Variants in SPTBN1 observed in about 807,000 individuals in gnomAD.
SPTBN1 encodes the protein spectrin beta chain, non-erythrocytic 1.
SPTBN1 carries 32 observed loss-of-function variants against 266.4 expected under a neutral mutation model. The ratio of observed to expected loss-of-function variants is 0.12; its 90% CI spans 0.09 to 0.16. SPTBN1 has a LOEUF of 0.16. Ranked by LOEUF, SPTBN1 falls within the 10% of genes least tolerant of loss-of-function variation. The pLI, the probability that SPTBN1 is intolerant of heterozygous loss-of-function variation, is 1.00. For synonymous variants in SPTBN1, 1,336 were observed against 1,162.2 expected (o/e 1.15, Z -3.04); for missense variants, 2,296 against 3,067.1 (o/e 0.75, Z 5.94).
chr2:54,580,705 T>C (rs1674834545), intron 2 of SPTBN1, among the ~76,000 whole-genome samples: 1 of 152,186 alleles, frequency 6.6e-6, no homozygotes, highest in South Asian at 2.1e-4. Flanking sequence ...TTAGGGTTTC[T>C]ACTGTATACT....
chr2:54,567,124 A>G (rs1260448993), intron 2 of SPTBN1, among the ~76,000 whole-genome samples: 1 of 152,214 alleles, frequency 6.6e-6, no homozygotes, highest in Non-Finnish European at 1.5e-5. Flanking sequence ...CAACTGATTA[A>G]TAGAAGCAAG....
At position 54,494,466 on chromosome 2, in the gene SPTBN1, A is replaced by G. The variant is rs182190406; in HGVS notation, c.-47-31906A>G. Reference sequence around the variant, plus strand: ...AAATGTTTATAGCAGCTTTATTTGTAGTAACCCCAAACTGGAAACAACCTA... The same window carrying G: ...AAATGTTTATAGCAGCTTTATTTGTGGTAACCCCAAACTGGAAACAACCTA... On this transcript the variant is annotated intron_variant, in intron 1 of 35. Transcript: ENST00000356805. Among the ~76,000 whole-genome samples the G allele has an allele frequency of 2.6e-5, 4 of 152,352 alleles. No homozygotes were observed. In the East Asian group the frequency reaches 7.7e-4, roughly 29 times the overall value.
Position 54,645,832 on chromosome 2 carries a change from T to A in SPTBN1, c.4495-96T>A. The A allele has an allele frequency of 4.4e-6, 6 of 1,360,202 alleles. No individual in the cohort carries two copies. Among genetic ancestry groups the A allele is most frequent in the Non-Finnish European group, 6.2e-6 (6 of 964,558 alleles). 84.3% of individuals were successfully genotyped at this position (1,360,202 alleles called of 1,614,324 possible). ...GAGGGGGCTGAGCACTCTCTGAAGC[T>A]CACCCTTGCTGTCCCTCACTGCCCC... On this transcript the variant is annotated intron_variant, in intron 21 of 35. Coordinates refer to ENST00000356805, the MANE Select transcript of SPTBN1 (RefSeq NM_003128.3). This position sits in a 1 kb window ranked among gnomAD's most constrained non-coding sequence, Gnocchi z 4.3.
chr2:54,604,795 A>G (rs1676727882), intron 3 of SPTBN1, among the ~76,000 whole-genome samples: 2 of 152,208 alleles, frequency 1.3e-5, no homozygotes, highest in Admixed American at 6.5e-5. Context: ...AAAAAAACAC[A>G]GGAATCCACG....
chr2:54,628,347 A>G lies in SPTBN1; in HGVS notation c.1798+97A>G. 2 of 1,405,214 alleles carry G rather than the reference A, an allele frequency of 1.4e-6. No individual in the cohort carries two copies. Among genetic ancestry groups the G allele is most frequent in the South Asian group, 1.6e-5 (1 of 64,086 alleles). 87.0% of individuals were successfully genotyped at this position (1,405,214 alleles called of 1,614,324 possible). On this transcript the variant is annotated intron_variant, in intron 13 of 35. Transcript: ENST00000356805. The surrounding 1 kb of genome is among the most constrained non-coding windows in gnomAD (Gnocchi z 4.3). The stretch of plus-strand genomic sequence containing the variant: ...TTTTGAAGTTACTGTGCCACTATAC[A>G]TTCCTGGTGGGTTTGTCATGGGAGC...
rs1679793418 is a variant in SPTBN1 at position 54,644,481 on chromosome 2, C to A, written c.4164C>A (p.Ser1388Arg). Reference sequence around the variant, plus strand: ...ACAAGGCCGAACTTTTCACCCAGAGCTGTGCAGATCTAGACAAATGGCTGC... The same window carrying A: ...ACAAGGCCGAACTTTTCACCCAGAGATGTGCAGATCTAGACAAATGGCTGC... ...DANKAELFTQ[S>R]CADLDKWLHG... The change falls in exon 20 of 36, where the codon AGC (serine) becomes AGA (arginine). Residue 1388 changes from serine to arginine, a missense_variant. Physicochemically the swap from Ser to Arg is moderately radical, Grantham distance 110 (BLOSUM62 -1). Coordinates refer to ENST00000356805, the MANE Select transcript of SPTBN1 (RefSeq NM_003128.3). The A allele has an allele frequency of 6.2e-7, 1 of 1,614,150 alleles. No homozygotes were observed. The highest frequency in any genetic ancestry group is 1.7e-5 in the Admixed American group (1 of 60,014).
Position 54,517,005 on chromosome 2 carries a change from A to G in SPTBN1, c.-47-9367A>G, listed in dbSNP as rs114645320. Among the ~76,000 whole-genome samples, 925 of 152,332 alleles carry G rather than the reference A, an allele frequency of 6.1e-3. 13 individuals are homozygous for G. The highest frequency in any genetic ancestry group is 0.02 in the African/African-American group (850 of 41,574). On this transcript the variant is annotated intron_variant, in intron 1 of 35. Transcript: ENST00000356805. ...TAGAAAGGAATGTCTGGCTTATGGT[A>G]AGGGGTTGTGGAGACCTAGGTTTTA... is the stretch of plus-strand genomic sequence containing the variant.
chr2:54,538,562 A>G (rs1182959824), intron 2 of SPTBN1, among the ~76,000 whole-genome samples: 3 of 152,238 alleles, frequency 2.0e-5, no homozygotes, highest in Non-Finnish European at 4.4e-5. Flanking sequence ...CTGGTTGAGA[A>G]ATACATCTGT....
At chr2:54,494,488 C>G (rs879144590) in intron 1 of SPTBN1, among the ~76,000 whole-genome samples, 1 of 152,142 alleles carries the variant, frequency 6.6e-6, no homozygotes, top group Admixed American at 6.5e-5. Context: ...CTGGAAACAA[C>G]CTACATGTCC....
At chr2:54,568,499 A>T (rs1033235584) in intron 2 of SPTBN1, among the ~76,000 whole-genome samples, 2 of 152,180 alleles carry the variant, frequency 1.3e-5, no homozygotes, top group Non-Finnish European at 2.9e-5. Context: ...TTTTAACTAA[A>T]TATAAAAATA....
chr2:54,567,647 C>T (rs1032114353), intron 2 of SPTBN1, among the ~76,000 whole-genome samples: 1 of 152,092 alleles, frequency 6.6e-6, no homozygotes, highest in African/African-American at 2.4e-5. Context: ...AAGTCAAGGC[C>T]TTGAGTGTAT....
intron 1 of SPTBN1, among the ~76,000 whole-genome samples, chr2:54,477,025 T>TG (rs1667866242): frequency 6.6e-6 from 1 of 151,824 alleles, no homozygotes; most frequent in African/African-American, 2.4e-5. Context: ...AGTTTTTTTT[T>TG]TATTGGCTTC....
rs1388106400 is a variant in SPTBN1, at chr2:54,540,610, C to T, written c.148+14044C>T. On this transcript the variant is annotated intron_variant, in intron 2 of 35. Transcript: ENST00000356805. The surrounding 1 kb of genome is among the most constrained non-coding windows in gnomAD (Gnocchi z 5.6). ...CTTTGCCTCTTTACCTTCCATGTTC[C>T]TTGGATATCAGGGGCACTCAGTAGA... The T allele has an allele frequency of 1.3e-5, 2 of 152,068 alleles. No individual in the cohort carries two copies. The highest frequency in any genetic ancestry group is 2.1e-4 in the South Asian group (1 of 4,828). 9.4% of individuals were successfully genotyped at this position (152,068 alleles called of 1,614,324 possible).
chr2:54,572,476 C>T (rs1674158294), intron 2 of SPTBN1, among the ~76,000 whole-genome samples: 1 of 152,086 alleles, frequency 6.6e-6, no homozygotes, highest in Admixed American at 6.5e-5. Flanking sequence ...TGCTAGAAGC[C>T]AGGCAGTTAA....
chr2:54,627,934 T>C (rs1678463977), intron 12 of SPTBN1, among the ~76,000 whole-genome samples, 163 bp from the exon 13 acceptor site: 1 of 152,198 alleles, frequency 6.6e-6, no homozygotes, highest in Admixed American at 6.5e-5. Flanking sequence ...ATTTGTTTTG[T>C]TCTGGTTTGT....
chr2:54,551,716 G>A (rs1672574804), intron 2 of SPTBN1, among the ~76,000 whole-genome samples: 1 of 152,100 alleles, frequency 6.6e-6, no homozygotes, highest in Non-Finnish European at 1.5e-5. Context: ...ATGGTTTTAT[G>A]GGTGTGGGGG....
intron 1 of SPTBN1, among the ~76,000 whole-genome samples, chr2:54,493,378 A>G (rs1668793080): frequency 6.9e-6 from 1 of 144,258 alleles, no homozygotes; most frequent in Non-Finnish European, 1.5e-5. Context: ...TTACATATAT[A>G]TTCTATAAAT....
chr2:54,546,969 A>AC (rs982389172), intron 2 of SPTBN1, among the ~76,000 whole-genome samples: 6 of 152,050 alleles, frequency 3.9e-5, no homozygotes, highest in Admixed American at 6.6e-5. Flanking sequence ...AAAAAAAAAA[A>AC]AAAAACCACA....
intron 19 of SPTBN1, among the ~76,000 whole-genome samples, chr2:54,644,119 TG>T (rs1360782607): frequency 6.6e-6 from 1 of 152,222 alleles, no homozygotes; most frequent in Non-Finnish European, 1.5e-5. Context: ...TAACATTTAT[TG>T]CTTAATTCCC....
Sources: gnomAD v4.1 joint callset for allele counts (sites outside exome capture counted in the v4.1 genomes callset) on GRCh38, gnomAD v4.1.1 for gene constraint, Gnocchi (gnomAD v3.1) non-coding constraint, MANE v1.5 for transcripts, NCBI Gene and HGNC (gene_info 2026-07-23, HGNC 2026-07-21) for gene names.